Variants in SMAD2 observed in about 807,000 individuals in gnomAD.
SMAD2 encodes SMAD family member 2.
A neutral mutation model predicts 64.4 loss-of-function variants in SMAD2; 8 were observed. That is an observed-to-expected ratio of 0.12 (90% CI 0.07 to 0.22). The LOEUF (loss-of-function observed/expected upper bound fraction) is 0.22. Ranked by LOEUF, SMAD2 falls within the 10% of genes least tolerant of loss-of-function variation. The pLI, the probability that SMAD2 is intolerant of heterozygous loss-of-function variation, is 1.00. For missense variants in SMAD2, 289 were observed against 561.2 expected, an observed-to-expected ratio of 0.51 and a Z score of 4.90; for synonymous variants, 203 against 195.8, an observed-to-expected ratio of 1.04 and a Z score of -0.31.
chr18:47,853,365 AATT>A, intron 6 of SMAD2: 1 of 215,794 alleles, frequency 4.6e-6, no homozygotes, highest in Admixed American at 9.4e-5. Context: ...CTTGTGATGT[AATT>A]ATTATACGAA....
At chr18:47,847,617 T>A (rs1419949336) in intron 8 of SMAD2, among the ~76,000 whole-genome samples, 1 of 136,676 alleles carries the variant, frequency 7.3e-6, no homozygotes, top group Non-Finnish European at 1.6e-5. Context: ...AAAAAACAAC[T>A]GTATTTCCAA....
At position 47,825,097 on chromosome 18, in the gene SMAD2, T is replaced by C. The variant is rs1912701015; in HGVS notation, c.*16730A>G. Reference sequence around the variant, plus strand: ...TAAAAGACCACAAAATATTTTTGTGTATTTACAGGAACGTGATAATCAAAA... The same window carrying C: ...TAAAAGACCACAAAATATTTTTGTGCATTTACAGGAACGTGATAATCAAAA... On this transcript the variant is annotated 3_prime_UTR_variant, in exon 11 of 11. Transcript: ENST00000262160. 1 of 152,192 alleles carries C rather than the reference T, an allele frequency of 6.6e-6. No individual in the cohort carries two copies. The highest frequency in any genetic ancestry group is 6.5e-5 in the Admixed American group (1 of 15,282). The allele number at this position is 152,192 out of a possible 1,614,324, so 9.4% of individuals were successfully genotyped here.
At chr18:47,900,307 C>G (rs968040620) in intron 1 of SMAD2, among the ~76,000 whole-genome samples, 4 of 152,110 alleles carry the variant, frequency 2.6e-5, no homozygotes, top group African/African-American at 9.7e-5. Flanking sequence ...TTCAAGTACT[C>G]AATAGCTACA....
chr18:47,920,143 T>C (rs909230912), intron 1 of SMAD2: 1 of 152,114 alleles, frequency 6.6e-6, no homozygotes, highest in Non-Finnish European at 1.5e-5. Flanking sequence ...CTCTTCTGGG[T>C]TGCAGACTGC....
At chr18:47,850,163 T>C (rs1017095625) in intron 7 of SMAD2, among the ~76,000 whole-genome samples, 2 of 116,278 alleles carry the variant, frequency 1.7e-5, no homozygotes, top group Non-Finnish European at 3.3e-5. Context: ...TTTGTACATA[T>C]ATGTGCACAC....
chr18:47,896,156 T>A (rs1465954329), intron 2 of SMAD2, among the ~76,000 whole-genome samples: 2 of 152,224 alleles, frequency 1.3e-5, no homozygotes, highest in East Asian at 3.8e-4. Flanking sequence ...GAGCAGCCTC[T>A]TTTCACCCCT....
intron 1 of SMAD2, among the ~76,000 whole-genome samples, chr18:47,903,789 G>A (rs919139615): frequency 2.7e-5 from 4 of 146,064 alleles, no homozygotes; most frequent in Non-Finnish European, 6.0e-5. Context: ...GATACCATTA[G>A]ATGGGCTTAA....
intron 2 of SMAD2, among the ~76,000 whole-genome samples, chr18:47,875,200 CT>C (rs1344724474): frequency 6.6e-6 from 1 of 152,054 alleles, no homozygotes; most frequent in African/African-American, 2.4e-5. Context: ...ACTACTAATT[CT>C]TTAATAAGTC....
chr18:47,856,153 T>A (rs77414396), intron 6 of SMAD2, among the ~76,000 whole-genome samples: 6 of 146,566 alleles, frequency 4.1e-5, no homozygotes, highest in African/African-American at 7.5e-5. Context: ...TTTTTTTTTT[T>A]AAGCCAAATA....
Position 47,836,112 on chromosome 18 carries a change from T to C in SMAD2, c.*5715A>G, listed in dbSNP as rs1272552110. Reference sequence around the variant, plus strand: ...AGCGAGATCACCTGTGGGTCAAGGATGGCCCAGAGAATCTTGGAAAATCCA... The same window carrying C: ...AGCGAGATCACCTGTGGGTCAAGGACGGCCCAGAGAATCTTGGAAAATCCA... On this transcript the variant is annotated 3_prime_UTR_variant, in exon 11 of 11. Transcript: ENST00000262160. 1 of 217,460 alleles carries C rather than the reference T, an allele frequency of 4.6e-6. No individual in the cohort carries two copies. The highest frequency in any genetic ancestry group is 2.3e-5 in the African/African-American group (1 of 44,402). 13.5% of individuals were successfully genotyped at this position (217,460 alleles called of 1,614,324 possible).
In SMAD2 at chr18:47,840,010, G is replaced by C. The variant is rs1198640840; in HGVS notation, c.*1817C>G. 4.3e-6 allele frequency: 1 copy of C among 233,074 alleles called. No individual in the cohort carries two copies. The highest frequency in any genetic ancestry group is 8.5e-6 in the Non-Finnish European group (1 of 118,024). The allele number at this position is 233,074 out of a possible 1,614,324, so 14.4% of individuals were successfully genotyped here. On this transcript the variant is annotated 3_prime_UTR_variant, in exon 11 of 11. Transcript: ENST00000262160. Reference sequence around the variant, plus strand: ...TGCTGTCTCAGCAAAGGCAGGAACTGTAGTTGTCTTGTTCACCTTTACCCA... The same window carrying C: ...TGCTGTCTCAGCAAAGGCAGGAACTCTAGTTGTCTTGTTCACCTTTACCCA...
chr18:47,878,482 T>G (rs192682532), intron 2 of SMAD2: 31 of 152,198 alleles, frequency 2.0e-4, no homozygotes, highest in African/African-American at 6.5e-4. Context: ...ATTAAAAAAT[T>G]AGCCAGGCAT....
At chr18:47,874,785 G>A (rs978835486) in intron 2 of SMAD2, among the ~76,000 whole-genome samples, 2 of 152,086 alleles carry the variant, frequency 1.3e-5, no homozygotes, top group Non-Finnish European at 2.9e-5. Context: ...GTGCAGAGTG[G>A]GAAGGGAGAG....
At chr18:47,847,589 C>G (rs1914627722) in intron 8 of SMAD2, among the ~76,000 whole-genome samples, 1 of 138,056 alleles carries the variant, frequency 7.2e-6, no homozygotes, top group Non-Finnish European at 1.5e-5. Context: ...AAATCCATTA[C>G]ATATTAACAA....
At chr18:47,927,993 C>A (rs188603227) in intron 1 of SMAD2, among the ~76,000 whole-genome samples, 384 of 152,248 alleles carry the variant, frequency 2.5e-3, no homozygotes, top group Non-Finnish European at 4.0e-3. Context: ...TCTGACATAC[C>A]TTTGGAATAC....
At chr18:47,884,912 T>C (rs2032802316) in intron 2 of SMAD2, among the ~76,000 whole-genome samples, 1 of 152,154 alleles carries the variant, frequency 6.6e-6, no homozygotes, top group Non-Finnish European at 1.5e-5. Flanking sequence ...GAGATACCGT[T>C]TGATATTTCT....
intron 2 of SMAD2, among the ~76,000 whole-genome samples, chr18:47,884,307 G>A (rs1453143130): frequency 1.3e-5 from 2 of 151,958 alleles, no homozygotes; most frequent in African/African-American, 2.4e-5. Flanking sequence ...ATATTAAACC[G>A]CTTAATCCTT....
At chr18:47,851,855 T>C (rs1028287272) in intron 6 of SMAD2, among the ~76,000 whole-genome samples, 3 of 152,196 alleles carry the variant, frequency 2.0e-5, no homozygotes, top group Admixed American at 1.3e-4. Context: ...ATAACTAATC[T>C]TGACCGTTTT....
At chr18:47,845,892 A>G (rs2144291783) in intron 8 of SMAD2, 92 bp from the exon 9 acceptor site, 3 of 1,132,624 alleles carry the variant, frequency 2.6e-6, no homozygotes, top group South Asian at 1.2e-5. Flanking sequence ...CTAAAATGAT[A>G]TAAGGTATTT....
Sources: gnomAD v4.1 joint callset for allele counts (sites outside exome capture counted in the v4.1 genomes callset) on GRCh38, gnomAD v4.1.1 for gene constraint, MANE v1.5 for transcripts, NCBI Gene and HGNC (gene_info 2026-07-23, HGNC 2026-07-21) for gene names.